The following UBE2E3 variants were observed in gnomAD, a reference collection of about 807,000 sequenced individuals.
The protein encoded by UBE2E3 is ubiquitin-conjugating enzyme E2 E3.
UBE2E3 carries 5 observed loss-of-function variants against 23.6 expected under a neutral mutation model. That is an observed-to-expected ratio of 0.21 (90% confidence interval 0.11 to 0.44). The LOEUF is 0.44. UBE2E3 is among the 20% of genes least tolerant of loss of function. UBE2E3 has a pLI of 0.99. For synonymous variants in UBE2E3, 78 were observed against 87.5 expected (o/e 0.89, Z 0.60); for missense variants, 81 against 249.8 (o/e 0.32, Z 4.55).
intron 3 of UBE2E3, among the ~76,000 whole-genome samples, chr2:181,042,514 G>T (rs964126350): frequency 6.6e-6 from 1 of 152,190 alleles, no homozygotes; most frequent in African/African-American, 2.4e-5. Flanking sequence ...GTAGTCATCA[G>T]GGAGGTAGGA....
intron 3 of UBE2E3, among the ~76,000 whole-genome samples, chr2:181,006,851 A>T (rs140176868): frequency 0.015 from 2,310 of 152,308 alleles, 61 homozygotes; most frequent in African/African-American, 0.052. Context: ...CTTTTGAAAG[A>T]TCAGTTTTTA....
rs551202316 is a variant in UBE2E3, at chr2:181,001,407, G to T, written c.245+17314G>T. 4.7e-4 allele frequency among the ~76,000 whole-genome samples: 72 copies of T among 152,208 alleles called. No individual in the cohort carries two copies. In the South Asian group the frequency reaches 0.014, roughly 30 times the overall value. ...GAAAAGAAACATACAATTATGTTTTGCCTTGAGTCCCAGAAGTCCTCCACC... is the reference window on the plus strand; with the variant it reads ...GAAAAGAAACATACAATTATGTTTTTCCTTGAGTCCCAGAAGTCCTCCACC... On this transcript the variant is annotated intron_variant, in intron 3 of 5. Transcript: ENST00000410062.
At chr2:181,047,953 G>A (rs1025729704) in intron 3 of UBE2E3, among the ~76,000 whole-genome samples, 2 of 151,914 alleles carry the variant, frequency 1.3e-5, no homozygotes, top group East Asian at 1.9e-4. Flanking sequence ...TCATTAGGTC[G>A]TTTCATTGTA....
intron 5 of UBE2E3, 90 bp downstream of exon 5, chr2:181,060,902 T>C: frequency 8.5e-7 from 1 of 1,183,280 alleles, no homozygotes; most frequent in African/African-American, 1.7e-5. Context: ...TAGCTTTAAA[T>C]GTAGATTGAG....
At chr2:181,061,617 A>C (rs1049777810) in intron 5 of UBE2E3, among the ~76,000 whole-genome samples, 1 of 151,664 alleles carries the variant, frequency 6.6e-6, no homozygotes, top group Non-Finnish European at 1.5e-5. Context: ...TGAGAATTGA[A>C]CTAGATTATG....
chr2:181,005,483 G>A (rs1314648975), intron 3 of UBE2E3, among the ~76,000 whole-genome samples: 1 of 152,184 alleles, frequency 6.6e-6, no homozygotes, highest in East Asian at 1.9e-4. Context: ...AAGGTGAACT[G>A]GGTTACCACA....
At chr2:181,040,056 CAT>C (rs1686436099) in intron 3 of UBE2E3, among the ~76,000 whole-genome samples, 1 of 152,172 alleles carries the variant, frequency 6.6e-6, no homozygotes, top group Admixed American at 6.5e-5. Flanking sequence ...TAATTTACCA[CAT>C]GGGGTGATTT....
At chr2:181,051,751 G>A (rs1686849817) in intron 3 of UBE2E3, among the ~76,000 whole-genome samples, 1 of 151,704 alleles carries the variant, frequency 6.6e-6, no homozygotes, top group South Asian at 2.1e-4. Flanking sequence ...AAATTCTTAG[G>A]ACTATTAAAA....
intron 3 of UBE2E3, among the ~76,000 whole-genome samples, chr2:180,988,450 T>G (rs4563182): frequency 0.23 from 35,331 of 152,162 alleles, 4,468 homozygotes; most frequent in Non-Finnish European, 0.28. Flanking sequence ...TGCATAAGAT[T>G]AATGATATTT....
intron 3 of UBE2E3, chr2:180,987,215 C>T (rs1297354519): frequency 9.6e-6 from 10 of 1,036,728 alleles, no homozygotes; most frequent in South Asian, 1.6e-5. Flanking sequence ...ATAATTTATA[C>T]ATCAATGAGA....
chr2:180,981,303 T>G (rs1166160019), intron 1 of UBE2E3: 2 of 152,126 alleles, frequency 1.3e-5, no homozygotes, highest in Non-Finnish European at 2.9e-5. Flanking sequence ...TTTCTTATTT[T>G]TTTCGTTATT....
chr2:181,041,234 C>CAAAAAAAAAAAAAAAAAAAAAA (rs1206207155), intron 3 of UBE2E3, among the ~76,000 whole-genome samples: 12 of 77,196 alleles, frequency 1.6e-4, no homozygotes, highest in South Asian at 5.2e-4. Context: ...GACTCCGTCT[C>CAAAAAAAAAAAAAAAAAAAAAA]AAAAAAAAAA....
At chr2:181,046,318 A>G (rs1686672623) in intron 3 of UBE2E3, among the ~76,000 whole-genome samples, 1 of 152,180 alleles carries the variant, frequency 6.6e-6, no homozygotes, top group Non-Finnish European at 1.5e-5. Flanking sequence ...ATGTAGCACA[A>G]AACACAAATA....
intron 3 of UBE2E3, among the ~76,000 whole-genome samples, chr2:181,009,547 ATTAT>A (rs1685253975): frequency 1.3e-5 from 2 of 151,760 alleles, no homozygotes; most frequent in African/African-American, 2.4e-5. Context: ...ACTAGGCTTT[ATTAT>A]TTTATTTTAT....
intron 3 of UBE2E3, among the ~76,000 whole-genome samples, chr2:181,047,899 T>C (rs533769066): frequency 2.0e-5 from 3 of 152,290 alleles, no homozygotes; most frequent in African/African-American, 7.2e-5. Context: ...GTCTCCTTCA[T>C]GTAGTCTTAC....
intron 3 of UBE2E3, among the ~76,000 whole-genome samples, chr2:181,013,094 T>G (rs1460781079): frequency 6.6e-6 from 1 of 152,132 alleles, no homozygotes; most frequent in African/African-American, 2.4e-5. Context: ...CCCGAGTAGC[T>G]GGGACTACAG....
At chr2:181,062,362 C>T (rs1420434514) in intron 5 of UBE2E3, among the ~76,000 whole-genome samples, 1 of 151,552 alleles carries the variant, frequency 6.6e-6, no homozygotes, top group Non-Finnish European at 1.5e-5. Flanking sequence ...TCATATCAGG[C>T]ACAGAATGAA....
intron 3 of UBE2E3, among the ~76,000 whole-genome samples, chr2:181,040,112 G>GT (rs1428822003): frequency 2.0e-5 from 3 of 152,270 alleles, no homozygotes; most frequent in African/African-American, 7.2e-5. Flanking sequence ...CCATTTGACT[G>GT]TTTCCTTGAC....
intron 3 of UBE2E3, among the ~76,000 whole-genome samples, chr2:180,988,317 A>G (rs1684545068): frequency 6.6e-6 from 1 of 152,182 alleles, no homozygotes; most frequent in Admixed American, 6.5e-5. Context: ...GTACAAGTAC[A>G]TAACAAGCAA....
Sources: allele counts gnomAD v4.1 joint callset (sites outside exome capture counted in the v4.1 genomes callset), GRCh38; gene constraint gnomAD v4.1.1; transcripts MANE v1.5; gene names NCBI Gene and HGNC (gene_info 2026-07-23, HGNC 2026-07-21).